The following ZFP62 variants were observed in gnomAD, a reference collection of about 807,000 sequenced individuals.
ZFP62 encodes the protein zinc finger protein 62 homolog.
In ZFP62, 44 loss-of-function variants were observed where a neutral mutation model predicts 56.4. The ratio of observed to expected loss-of-function variants is 0.78; its 90% CI spans 0.61 to 1.00. The LOEUF is 1.00. Ranked by LOEUF, ZFP62 falls within the 50% of genes least tolerant of loss-of-function variation. The pLI is 0.00. For synonymous variants in ZFP62, 421 were observed against 388.9 expected, an observed-to-expected ratio of 1.08 and a Z score of -0.97; for missense variants, 1,030 against 1,085.7, an observed-to-expected ratio of 0.95 and a Z score of 0.72.
the ZFP62 span, among the ~76,000 whole-genome samples, chr5:180,841,713 T>G: frequency 6.6e-6 from 1 of 152,206 alleles, no homozygotes; most frequent in African/African-American, 2.4e-5. Flanking sequence ...AAAATGCTAC[T>G]ATGTTCAAGG....
In ZFP62 at chr5:180,849,225, T is replaced by G. The variant is rs1402408359; in HGVS notation, c.2270A>C (p.Tyr757Ser). 3 of 1,559,208 alleles carry G rather than the reference T, an allele frequency of 1.9e-6. No individual in the cohort carries two copies. Among genetic ancestry groups the G allele is most frequent in the Non-Finnish European group, 2.6e-6 (3 of 1,151,674 alleles). The change falls in exon 2 of 2, where the codon TAT becomes TCT. Residue 757 changes from tyrosine to serine, a missense_variant. Transcript: ENST00000502412. Reference protein sequence around the residue: ...HKRIHTGEKPYVCDRCGKAFR... With the variant: ...HKRIHTGEKPSVCDRCGKAFR... ...GGCCTTCCCACACCTATCACACACA[T>G]AGGGTTTCTCCCCTGTGTGGATCCT...
chr5:180,849,415 T>C lies in ZFP62; in HGVS notation c.2080A>G (p.Thr694Ala). ...GTATGGGGTGTCCTGCCAGGGTGGG[T>C]ACTCTTATGGTTAATAAGGCTTGAG... ...SHSSLINHKS[T>A]HPGRTPHTCD... is the part of the protein sequence containing the mutation. The change falls in exon 2 of 2, where the codon ACC (threonine) becomes GCC (alanine). Residue 694 changes from threonine to alanine, a missense_variant. Transcript: ENST00000502412. 1 of 1,551,044 alleles carries C rather than the reference T, an allele frequency of 6.4e-7. No individual in the cohort carries two copies. The highest frequency in any genetic ancestry group is 8.7e-7 in the Non-Finnish European group (1 of 1,146,616).
In ZFP62 at chr5:180,850,658, C is replaced by T; in HGVS notation, c.837G>A (p.Lys279=). The T allele has an allele frequency of 6.3e-7, 1 of 1,586,738 alleles. No individual in the cohort carries two copies. The highest frequency in any genetic ancestry group is 8.6e-7 in the Non-Finnish European group (1 of 1,166,476). ...RVHKRIHTGE[K]PYECDICGKT... ...TCCCACAGATGTCGCATTCATAGGG[C>T]TTCTCCCCCGTGTGGATCCTTTTGT... Residue 279 remains lysine (K), a synonymous_variant, in exon 2 of 2, where the codon AAG becomes AAA. Transcript: ENST00000502412.
the ZFP62 span, among the ~76,000 whole-genome samples, chr5:180,838,367 T>G: frequency 1.3e-5 from 2 of 151,932 alleles, no homozygotes; most frequent in African/African-American, 4.8e-5. Context: ...TGAAAAGTCA[T>G]GAAAGTTGAG....
chr5:180,838,925 G>A, the ZFP62 span, among the ~76,000 whole-genome samples: 2 of 152,174 alleles, frequency 1.3e-5, no homozygotes, highest in Non-Finnish European at 2.9e-5. Context: ...CTTTAGAAAT[G>A]TATTTGTAGG....
At chr5:180,830,024 G>A in the ZFP62 span, 1 of 152,030 alleles carries the variant, frequency 6.6e-6, no homozygotes, top group Non-Finnish European at 1.5e-5. Flanking sequence ...TCTCCACAAT[G>A]GGTGTGCTAG....
chr5:180,852,960 GA>G, intron 1 of ZFP62, among the ~76,000 whole-genome samples: 1 of 152,344 alleles, frequency 6.6e-6, no homozygotes, highest in South Asian at 2.1e-4. Flanking sequence ...GGCTGTGGAG[GA>G]AACAGGCACT....
rs1408169668 is a variant in ZFP62, at chr5:180,849,055, T to C, written c.2440A>G (p.Asn814Asp). 6 of 1,551,910 alleles carry C rather than the reference T, an allele frequency of 3.9e-6. No individual in the cohort carries two copies. The African/African-American group carries it at 5.5e-5, about 14-fold the overall frequency. Reference protein sequence around the residue: ...KSVHQGKQPYNCECGKSFNYR... With the variant: ...KSVHQGKQPYDCECGKSFNYR... ...TTGAAGGATTTCCCACACTCACAATTATAGGGCTGCTTCCCCTGGTGGACA... is the reference window on the plus strand; with the variant it reads ...TTGAAGGATTTCCCACACTCACAATCATAGGGCTGCTTCCCCTGGTGGACA... The change falls in exon 2 of 2, where the codon AAT (asparagine) becomes GAT (aspartate). Residue 814 changes from asparagine (N) to aspartate (D), a missense_variant. Transcript: ENST00000502412.
At chr5:180,839,596 A>T in the ZFP62 span, among the ~76,000 whole-genome samples, 5 of 152,206 alleles carry the variant, frequency 3.3e-5, no homozygotes, top group African/African-American at 1.2e-4. Context: ...AAAAACAGAC[A>T]CTGAGGCCTA....
chr5:180,852,809 A>G (rs1425553927), intron 1 of ZFP62, among the ~76,000 whole-genome samples: 3 of 152,220 alleles, frequency 2.0e-5, no homozygotes, highest in African/African-American at 7.2e-5. Flanking sequence ...TAAAAAGATG[A>G]ACAAACAATT....
intron 1 of ZFP62, among the ~76,000 whole-genome samples, chr5:180,856,176 T>G (rs1453233213): frequency 6.6e-6 from 1 of 152,266 alleles, no homozygotes; most frequent in Non-Finnish European, 1.5e-5. Flanking sequence ...CTCCCTGTTC[T>G]GGCTCTGCTT....
At chr5:180,836,550 C>G in the ZFP62 span, among the ~76,000 whole-genome samples, 1 of 152,286 alleles carries the variant, frequency 6.6e-6, no homozygotes, top group East Asian at 1.9e-4. Context: ...ATTTGATTAC[C>G]TTTGTAAAGA....
the ZFP62 span, among the ~76,000 whole-genome samples, chr5:180,827,501 T>C: frequency 6.6e-5 from 10 of 152,324 alleles, no homozygotes; most frequent in East Asian, 1.5e-3. Flanking sequence ...GAAGGCAGCA[T>C]GCTCCTTAAG....
intron 1 of ZFP62, among the ~76,000 whole-genome samples, chr5:180,858,978 G>A (rs1011949384): frequency 1.3e-5 from 2 of 152,148 alleles, no homozygotes; most frequent in African/African-American, 4.8e-5. Context: ...ACTCTTCCGA[G>A]CTTCTTGTTC....
the ZFP62 span, among the ~76,000 whole-genome samples, chr5:180,828,348 G>T: frequency 6.6e-6 from 1 of 152,136 alleles, no homozygotes; most frequent in Non-Finnish European, 1.5e-5. Flanking sequence ...TCACTCAGGA[G>T]AGTCCGTAAG....
rs1371749969 is a variant in ZFP62, at chr5:180,848,003, T to C, written c.*789A>G. 3.9e-5 allele frequency: 38 copies of C among 985,366 alleles called. No homozygotes were observed. The highest frequency in any genetic ancestry group is 4.6e-5 in the Non-Finnish European group (38 of 829,950). 61.0% of individuals were successfully genotyped at this position (985,366 alleles called of 1,614,324 possible). On this transcript the variant is annotated 3_prime_UTR_variant, in exon 2 of 2. Coordinates refer to ENST00000502412, the MANE Select transcript of ZFP62 (RefSeq NM_001172638.2). The stretch of plus-strand genomic sequence containing the variant: ...ATCCTCTCCACGGTAGAACCTTTTA[T>C]TGTAGCATAATGTGTGAATACCACT...
chr5:180,845,717 A>T, downstream of ZFP62: 1 of 985,396 alleles, frequency 1.0e-6, no homozygotes, highest in Non-Finnish European at 1.2e-6. Context: ...CAAGGTCTTG[A>T]TGCAGACAGA....
the ZFP62 span, chr5:180,835,417 C>G: frequency 6.6e-6 from 1 of 152,346 alleles, no homozygotes; most frequent in Non-Finnish European, 1.5e-5. Flanking sequence ...CTCCTTGTTT[C>G]TCAGGCCTTC....
At chr5:180,858,279 G>GAAAAAAAAAAAAAAAAAAAAAA (rs1345418139) in intron 1 of ZFP62, among the ~76,000 whole-genome samples, 2 of 108,186 alleles carry the variant, frequency 1.8e-5, no homozygotes, top group African/African-American at 3.4e-5. Flanking sequence ...AAAAAAAAAA[G>GAAAAAAAAAAAAAAAAAAAAAA]AAAAAAAGAA....
Sources: gnomAD v4.1 joint callset for allele counts (sites outside exome capture counted in the v4.1 genomes callset) on GRCh38, gnomAD v4.1.1 for gene constraint, MANE v1.5 for transcripts, NCBI Gene and HGNC (gene_info 2026-07-23, HGNC 2026-07-21) for gene names.